Variants in PTK2 observed in about 807,000 individuals in gnomAD.
PTK2 encodes the protein focal adhesion kinase 1.
PTK2 carries 45 observed loss-of-function variants against 150.1 expected under a neutral mutation model. That is an observed-to-expected ratio of 0.30 (90% CI 0.24 to 0.38). The LOEUF (loss-of-function observed/expected upper bound fraction) is 0.38. PTK2 is among the 10% of genes least tolerant of loss of function. The pLI is 1.00. For missense variants in PTK2, 919 were observed against 1,307.3 expected (o/e 0.70, Z 4.58); for synonymous variants, 432 against 449.2 (o/e 0.96, Z 0.48).
chr8:140,782,040 C>T (rs373786212), intron 14 of PTK2, among the ~76,000 whole-genome samples: 14 of 152,064 alleles, frequency 9.2e-5, no homozygotes, highest in East Asian at 7.7e-4. Context: ...GACAACTGTA[C>T]GCTTCTCAGT....
intron 14 of PTK2, among the ~76,000 whole-genome samples, chr8:140,777,680 T>G (rs2100079233): frequency 6.6e-6 from 1 of 152,170 alleles, no homozygotes; most frequent in Non-Finnish European, 1.5e-5. Context: ...TTTAAGTTGT[T>G]TTTCAGGAAG....
intron 16 of PTK2, among the ~76,000 whole-genome samples, chr8:140,756,165 A>ACCTGTCTC (rs1270971723): frequency 6.6e-6 from 1 of 151,872 alleles, no homozygotes. Context: ...TCTACTAAAA[A>ACCTGTCTC]TACAAAAACT....
intron 14 of PTK2, among the ~76,000 whole-genome samples, chr8:140,772,783 GGAAAGA>G (rs1253594676): frequency 6.6e-6 from 1 of 152,104 alleles, no homozygotes; most frequent in Non-Finnish European, 1.5e-5. Context: ...GTGAAATGGA[GGAAAGA>G]ACATATGAGA....
chr8:140,718,660 G>A (rs2100041115), intron 22 of PTK2: 1 of 152,152 alleles, frequency 6.6e-6, no homozygotes, highest in South Asian at 2.1e-4. Context: ...CAGTGCACCA[G>A]ACTTTCTAAT....
At chr8:140,798,835 T>C (rs2100093238) in intron 12 of PTK2, among the ~76,000 whole-genome samples, 1 of 152,130 alleles carries the variant, frequency 6.6e-6, no homozygotes, top group Non-Finnish European at 1.5e-5. Flanking sequence ...CTGTTTAAAG[T>C]ATAAAGTGCG....
intron 1 of PTK2, among the ~76,000 whole-genome samples, chr8:140,981,338 G>A (rs1017454540): frequency 5.9e-5 from 9 of 152,076 alleles, no homozygotes; most frequent in African/African-American, 2.2e-4. Flanking sequence ...CAGGAGAGGT[G>A]ACTTAAGGCT....
chr8:140,864,339 C>T, exon 5 of PTK2: 6 of 1,597,564 alleles, frequency 3.8e-6, no homozygotes, highest in Non-Finnish European at 5.1e-6. Flanking sequence ...TCAAAGTTGG[C>T]TTATCTTCAG....
At chr8:140,705,915 C>T (rs1186022510) in intron 24 of PTK2, among the ~76,000 whole-genome samples, 1 of 152,314 alleles carries the variant, frequency 6.6e-6, no homozygotes, top group South Asian at 2.1e-4. Context: ...CCTGCCCACT[C>T]GAAGATGGAG....
intron 5 of PTK2, among the ~76,000 whole-genome samples, chr8:140,856,863 A>G (rs1484547331): frequency 1.3e-5 from 2 of 152,210 alleles, no homozygotes; most frequent in African/African-American, 4.8e-5. Flanking sequence ...ACTTACTTTG[A>G]AATGTATGAA....
intron 27 of PTK2, among the ~76,000 whole-genome samples, chr8:140,682,893 A>G (rs1410457959): frequency 6.6e-6 from 1 of 152,160 alleles, no homozygotes. Context: ...ATCTACAACA[A>G]AAAGTTAAAA....
chr8:140,748,960 G>C (rs2154504429), intron 17 of PTK2, among the ~76,000 whole-genome samples: 1 of 152,320 alleles, frequency 6.6e-6, no homozygotes, highest in East Asian at 1.9e-4. Context: ...TAGAATAACA[G>C]AAGTAATTTT....
At chr8:140,791,178 CTG>C in intron 13 of PTK2, among the ~76,000 whole-genome samples, 1 of 152,034 alleles carries the variant, frequency 6.6e-6, no homozygotes, top group East Asian at 1.9e-4. Context: ...GTGTGTGTGT[CTG>C]TGTTTTAAGA....
chr8:140,692,055 T>C (rs1471007175), intron 26 of PTK2, among the ~76,000 whole-genome samples: 2 of 152,236 alleles, frequency 1.3e-5, no homozygotes, highest in African/African-American at 4.8e-5. Context: ...TTCATGTGTT[T>C]ACATGAATTA....
intron 14 of PTK2, among the ~76,000 whole-genome samples, chr8:140,777,466 T>C (rs1046152966): frequency 6.6e-6 from 1 of 152,234 alleles, no homozygotes; most frequent in Non-Finnish European, 1.5e-5. Flanking sequence ...ATCTGCCTCA[T>C]GATTCAAGCA....
In PTK2 at chr8:140,851,840, CAG is replaced by C. The variant is rs552917657; in HGVS notation, c.451-5164_451-5163del. 4.1e-3 allele frequency among the ~76,000 whole-genome samples: 505 copies of C among 124,310 alleles called. 4 individuals are homozygous for C. Among genetic ancestry groups the C allele is most frequent in the African/African-American group, 0.015 (490 of 31,790 alleles). The allele number at this position is 124,310 out of a possible 152,430, so 81.6% of individuals were successfully genotyped here. On this transcript the variant is annotated intron_variant, in intron 5 of 31. Coordinates refer to ENST00000522684, the Ensembl canonical transcript of PTK2. ...TGCCACTGCTTTCCAGCGTGGGTGA[CAG>C]AGAGAGACTTTATCTCAAAAAAAAA...
chr8:140,699,574 C>T (rs1415342969), intron 26 of PTK2, among the ~76,000 whole-genome samples: 1 of 152,186 alleles, frequency 6.6e-6, no homozygotes, highest in African/African-American at 2.4e-5. Context: ...TCACATCAGT[C>T]ATAAATGCCA....
At chr8:140,776,249 C>T (rs962246893) in intron 14 of PTK2, among the ~76,000 whole-genome samples, 25 of 152,078 alleles carry the variant, frequency 1.6e-4, no homozygotes, top group African/African-American at 6.0e-4. Context: ...GTGATCCGCC[C>T]GCCTCGGCCT....
At position 140,800,587 on chromosome 8, in the gene PTK2, A is replaced by C. The variant is rs371351455; in HGVS notation, c.976-11T>G. 1.6e-5 allele frequency: 25 copies of C among 1,597,672 alleles called. No individual in the cohort carries two copies. The highest frequency in any genetic ancestry group is 2.1e-5 in the Non-Finnish European group (24 of 1,165,700). On this transcript the variant is annotated splice_polypyrimidine_tract_variant and intron_variant, in intron 11 of 31. Coordinates refer to ENST00000522684, the Ensembl canonical transcript of PTK2. ...CGTCACTGTCAGAGGCTAACGGAGA[A>C]AAGATCAAGAAAACAGACTTCATTG...
chr8:140,853,893 C>T (rs1326855004), intron 5 of PTK2, among the ~76,000 whole-genome samples: 1 of 152,076 alleles, frequency 6.6e-6, no homozygotes, highest in African/African-American at 2.4e-5. Flanking sequence ...CTTAGACCTG[C>T]AATTTCAAAA....
Sources: gnomAD v4.1 joint callset for allele counts (sites outside exome capture counted in the v4.1 genomes callset) on GRCh38, gnomAD v4.1.1 for gene constraint, MANE v1.5 for transcripts, NCBI Gene and HGNC (gene_info 2026-07-23, HGNC 2026-07-21) for gene names.